The following LAMP3 variants were observed in gnomAD, a reference collection of about 807,000 sequenced individuals.
LAMP3 encodes lysosome-associated membrane glycoprotein 3.
LAMP3 carries 26 observed loss-of-function variants against 34.8 expected under a neutral mutation model. The observed-to-expected ratio is 0.75, with a 90% confidence interval of 0.55 to 1.04. The LOEUF is 1.04. Among genes scored for constraint, LAMP3 ranks in the 50% least tolerant of loss-of-function variants. LAMP3 has a pLI of 0.00. For missense variants in LAMP3, 495 were observed against 524.0 expected, an observed-to-expected ratio of 0.94 and a Z score of 0.54; for synonymous variants, 180 against 201.9, an observed-to-expected ratio of 0.89 and a Z score of 0.92.
At chr3:183,162,401 G>A (rs533574757) in intron 1 of LAMP3, among the ~76,000 whole-genome samples, 3 of 152,282 alleles carry the variant, frequency 2.0e-5, no homozygotes, top group South Asian at 4.1e-4. Flanking sequence ...GAACCCTTTT[G>A]GAAGCGAGGG....
Position 183,154,279 on chromosome 3 carries a change from T to C in LAMP3, c.162A>G (p.Gln54=), listed in dbSNP as rs1560315619. ...TVQDIKKPVQ[Q]PAKQAPHQTL... is the part of the protein sequence containing the mutation. ...TTTGGTGAGGTGCTTGCTTAGCTGG[T>C]TGCTGGACAGGTTTTTTTATGTCCT... Residue 54 remains glutamine (Q), a synonymous_variant, in exon 2 of 6, where the codon CAA becomes CAG. Coordinates refer to ENST00000265598, the MANE Select transcript of LAMP3 (RefSeq NM_014398.4). 6.2e-7 allele frequency: 1 copy of C among 1,614,200 alleles called. No homozygotes were observed. Among genetic ancestry groups the C allele is most frequent in the Non-Finnish European group, 8.5e-7 (1 of 1,180,026 alleles).
intron 3 of LAMP3, among the ~76,000 whole-genome samples, chr3:183,149,315 G>A (rs1720540529): frequency 1.3e-5 from 2 of 151,760 alleles, no homozygotes; most frequent in South Asian, 4.2e-4. Context: ...GCTCAGGGGG[G>A]CGGATCACGA....
chr3:183,162,789 G>A (rs1487713530), upstream of LAMP3: 2 of 815,780 alleles, frequency 2.5e-6, no homozygotes, highest in African/African-American at 1.8e-5. Context: ...CCCGCCCAGG[G>A]CCGCTGGGCG....
intron 5 of LAMP3, among the ~76,000 whole-genome samples, chr3:183,125,786 A>G (rs1215941401): frequency 2.0e-5 from 3 of 152,152 alleles, no homozygotes; most frequent in Non-Finnish European, 2.9e-5. Flanking sequence ...CCTGACTTCA[A>G]GCCATCCTCC....
chr3:183,140,188 C>A (rs1020786033), intron 4 of LAMP3, among the ~76,000 whole-genome samples: 1 of 152,036 alleles, frequency 6.6e-6, no homozygotes, highest in African/African-American at 2.4e-5. Flanking sequence ...GGGTGGATCG[C>A]CTGAGGTCAG....
At chr3:183,143,941 TGCAG>T (rs1256092346) in intron 3 of LAMP3, among the ~76,000 whole-genome samples, 3 of 142,480 alleles carry the variant, frequency 2.1e-5, no homozygotes, top group South Asian at 4.8e-4. Flanking sequence ...TCTACCTTTC[TGCAG>T]ACATACGGGG....
intron 5 of LAMP3, among the ~76,000 whole-genome samples, chr3:183,124,762 G>A (rs1719744433): frequency 6.6e-6 from 1 of 151,766 alleles, no homozygotes; most frequent in Admixed American, 6.6e-5. Flanking sequence ...AACCCGGGAG[G>A]CAGAGGTTGC....
intron 3 of LAMP3, among the ~76,000 whole-genome samples, chr3:183,143,032 A>G (rs1284577573): frequency 6.6e-6 from 1 of 152,082 alleles, no homozygotes. Context: ...CACAGGACAG[A>G]GTCTGGAAGC....
intron 1 of LAMP3, among the ~76,000 whole-genome samples, chr3:183,159,227 A>AGAGTGT (rs1243212656): frequency 6.6e-6 from 1 of 152,226 alleles, no homozygotes; most frequent in African/African-American, 2.4e-5. Context: ...AGATACTATG[A>AGAGTGT]GAGTGTGGGT....
intron 5 of LAMP3, among the ~76,000 whole-genome samples, chr3:183,125,265 A>C (rs933317256): frequency 6.6e-6 from 1 of 152,206 alleles, no homozygotes; most frequent in Non-Finnish European, 1.5e-5. Context: ...TCATTGTACG[A>C]ACTAACACTG....
chr3:183,153,657 T>A (rs770229297), intron 2 of LAMP3, 25 bp downstream of exon 2: 18 of 1,467,018 alleles, frequency 1.2e-5, no homozygotes, highest in Non-Finnish European at 1.6e-5. Flanking sequence ...GAAGATAGTG[T>A]TATAGTCCTG....
chr3:183,126,801 A>C (rs2108594190), intron 5 of LAMP3, among the ~76,000 whole-genome samples: 1 of 152,266 alleles, frequency 6.6e-6, no homozygotes, highest in African/African-American at 2.4e-5. Context: ...AATAAATAGA[A>C]ATACTTTTAT....
intron 3 of LAMP3, among the ~76,000 whole-genome samples, chr3:183,145,367 C>T (rs2108605590): frequency 6.6e-6 from 1 of 152,310 alleles, no homozygotes; most frequent in East Asian, 1.9e-4. Flanking sequence ...GCTCAGCACA[C>T]TCTCATGGCA....
At chr3:183,130,577 A>G (rs1719889724) in intron 5 of LAMP3, among the ~76,000 whole-genome samples, 1 of 152,088 alleles carries the variant, frequency 6.6e-6, no homozygotes, top group African/African-American at 2.4e-5. Flanking sequence ...GAGATACTCC[A>G]TTTCCTATGA....
At chr3:183,160,441 G>A (rs892056641) in intron 1 of LAMP3, among the ~76,000 whole-genome samples, 2 of 152,148 alleles carry the variant, frequency 1.3e-5, no homozygotes, top group Non-Finnish European at 2.9e-5. Context: ...TGTTGTCCAG[G>A]CTGGTCTCAA....
rs75363270 is a variant in LAMP3, at chr3:183,124,072, G to A, written c.*9C>T. ...AAATTCCATTATTTTCATTCCCCCC[G>A]GGCAACAATTAGATTCTCTGGTATC... is the stretch of plus-strand genomic sequence containing the variant. On this transcript the variant is annotated 3_prime_UTR_variant, in exon 6 of 6. Transcript: ENST00000265598. 9.9e-6 allele frequency: 16 copies of A among 1,613,822 alleles called. No individual in the cohort carries two copies. The highest frequency in any genetic ancestry group is 6.7e-5 in the African/African-American group (5 of 75,006).
intron 5 of LAMP3, among the ~76,000 whole-genome samples, chr3:183,129,363 A>C (rs1719854905): frequency 6.6e-6 from 1 of 152,070 alleles, no homozygotes. Context: ...TAAATCTTCA[A>C]ATATATCTTC....
chr3:183,137,366 A>G (rs1027834588), intron 4 of LAMP3, among the ~76,000 whole-genome samples: 6 of 152,070 alleles, frequency 3.9e-5, no homozygotes, highest in Admixed American at 3.3e-4. Flanking sequence ...TAATCATACA[A>G]TGAACTCCAT....
chr3:183,134,938 A>T (rs1452605716), intron 5 of LAMP3, among the ~76,000 whole-genome samples: 1 of 152,192 alleles, frequency 6.6e-6, no homozygotes, highest in African/African-American at 2.4e-5. Flanking sequence ...TCCTCGTAAC[A>T]CTGTTTTCCT....
Sources: gnomAD v4.1 joint callset for allele counts (sites outside exome capture counted in the v4.1 genomes callset) on GRCh38, gnomAD v4.1.1 for gene constraint, MANE v1.5 for transcripts, NCBI Gene and HGNC (gene_info 2026-07-23, HGNC 2026-07-21) for gene names.